NFATC1: variants seen among roughly 807,000 people sequenced by gnomAD.
NFATC1 encodes the protein nuclear factor of activated T-cells, cytoplasmic 1.
NFATC1 carries 22 observed loss-of-function variants against 76.0 expected under a neutral mutation model. That is an observed-to-expected ratio of 0.29 (90% CI 0.21 to 0.41). NFATC1 has a LOEUF of 0.41. Ranked by LOEUF, NFATC1 falls within the 10% of genes least tolerant of loss-of-function variation. The pLI, the probability that NFATC1 is intolerant of heterozygous loss-of-function variation, is 1.00. For missense variants in NFATC1, 1,357 were observed against 1,337.7 expected, an observed-to-expected ratio of 1.01 and a Z score of -0.23; for synonymous variants, 704 against 613.1, an observed-to-expected ratio of 1.15 and a Z score of -2.19.
At position 79,524,558 on chromosome 18, in the gene NFATC1, G is replaced by C. The variant is rs528915525; in HGVS notation, c.2783-2970G>C. Among the ~76,000 whole-genome samples the C allele has an allele frequency of 5.9e-5, 9 of 152,314 alleles. No homozygotes were observed. In the South Asian group the frequency reaches 1.9e-3, roughly 32 times the overall value. ...GTGGAACACACTTGACCCGGCGCTG[G>C]GACGGGGTCGGCCCACACGCACCGC... On this transcript the variant is annotated intron_variant, in intron 9 of 9. Transcript: ENST00000427363. This position sits in a 1 kb window ranked among gnomAD's most constrained non-coding sequence, Gnocchi z 7.2.
rs2085046694 is a variant in NFATC1 at position 79,397,481 on chromosome 18, G to T, written c.127+1130G>T. On this transcript the variant is annotated intron_variant, in intron 1 of 9. Transcript: ENST00000427363. Reference sequence around the variant, plus strand: ...TTAGCAGAGCTGAGCACAGGGCCGTGAGCTCCACGGAGGGGGGTCCGTGTG... The same window carrying T: ...TTAGCAGAGCTGAGCACAGGGCCGTTAGCTCCACGGAGGGGGGTCCGTGTG... 2.6e-5 allele frequency among the ~76,000 whole-genome samples: 4 copies of T among 152,334 alleles called. No individual in the cohort carries two copies. The South Asian group carries it at 8.3e-4, about 32-fold the overall frequency.
At position 79,404,609 on chromosome 18, in the gene NFATC1, G is replaced by A. The variant is rs368257619; in HGVS notation, c.128-5794G>A. ...GACCTGTGGTTCAGCCCCAGCAAGTGCTGAAGGGAATGTTCCTTAAAATGA... is the reference window on the plus strand; with the variant it reads ...GACCTGTGGTTCAGCCCCAGCAAGTACTGAAGGGAATGTTCCTTAAAATGA... On this transcript the variant is annotated intron_variant, in intron 1 of 9. Transcript: ENST00000427363. Among the ~76,000 whole-genome samples the A allele has an allele frequency of 1.5e-4, 23 of 152,366 alleles. No homozygotes were observed. In the South Asian group the frequency reaches 2.7e-3, roughly 18 times the overall value.
chr18:79,472,149 C>T lies in NFATC1; in HGVS notation c.2092+4567C>T, dbSNP rs112555287. ...GGAGAGAGCTGCTTAGGGTGTGAGC[C>T]GTGGGGGGGCGGGGGGCGGCTGTGA... On this transcript the variant is annotated intron_variant, in intron 8 of 9. Transcript: ENST00000427363. 5.1e-3 allele frequency among the ~76,000 whole-genome samples: 768 copies of T among 151,532 alleles called. 11 individuals are homozygous for T. The highest frequency in any genetic ancestry group is 0.016 in the African/African-American group (640 of 41,254).
chr18:79,433,785 C>G, intron 3 of NFATC1, 47 bp downstream of exon 3: 1 of 1,577,738 alleles, frequency 6.3e-7, no homozygotes, highest in African/African-American at 1.4e-5. Flanking sequence ...CTTTTGTGGT[C>G]AAAAAGTAAC....
intron 9 of NFATC1, chr18:79,498,309 A>C (rs2089941522): frequency 6.6e-6 from 1 of 152,096 alleles, no homozygotes; most frequent in South Asian, 2.1e-4. Context: ...GAGTGTGGCA[A>C]ATATATCTTA....
In NFATC1 at chr18:79,405,219, C is replaced by T. The variant is rs570179955; in HGVS notation, c.128-5184C>T. Among the ~76,000 whole-genome samples, 28 of 152,310 alleles carry T rather than the reference C, an allele frequency of 1.8e-4. 1 individual carries two copies. The South Asian group carries it at 3.3e-3, about 18-fold the overall frequency. On this transcript the variant is annotated intron_variant, in intron 1 of 9. Coordinates refer to ENST00000427363, the MANE Select transcript of NFATC1 (RefSeq NM_001278669.2). ...GCAGAGGGGCCATGCCATGACCTTCCGTTAAGGGATTTTGAATGTGCTCTC... is the reference window on the plus strand; with the variant it reads ...GCAGAGGGGCCATGCCATGACCTTCTGTTAAGGGATTTTGAATGTGCTCTC...
At chr18:79,400,390 C>A (rs1242839934) in intron 1 of NFATC1, 2 of 1,339,950 alleles carry the variant, frequency 1.5e-6, no homozygotes, top group Non-Finnish European at 2.0e-6. Flanking sequence ...GCCCGACCCG[C>A]CATGACGGGG....
intron 6 of NFATC1, among the ~76,000 whole-genome samples, chr18:79,455,570 C>T (rs537889852): frequency 2.0e-5 from 3 of 152,270 alleles, no homozygotes; most frequent in South Asian, 2.1e-4. Flanking sequence ...TGCCCTGGTT[C>T]GCAGGGAGAC....
chr18:79,466,457 C>T (rs187159801), intron 7 of NFATC1, among the ~76,000 whole-genome samples: 51 of 152,322 alleles, frequency 3.3e-4, no homozygotes, highest in East Asian at 1.4e-3. Context: ...GCCCGAGTAA[C>T]GCTGGGGCCT....
chr18:79,500,875 C>T (rs1008635659), intron 9 of NFATC1, among the ~76,000 whole-genome samples: 3 of 152,032 alleles, frequency 2.0e-5, no homozygotes, highest in African/African-American at 7.2e-5. Context: ...CAAAGAAAAG[C>T]CCAGACCCAG....
At chr18:79,396,438 C>A in intron 1 of NFATC1, 87 bp downstream of exon 1, 2 of 900,878 alleles carry the variant, frequency 2.2e-6, no homozygotes, top group Non-Finnish European at 2.8e-6. Context: ...GTCGCCCGCA[C>A]GGAGGGGTCC....
intron 9 of NFATC1, among the ~76,000 whole-genome samples, chr18:79,510,620 G>A (rs1003155592): frequency 5.3e-5 from 8 of 152,232 alleles, no homozygotes; most frequent in Non-Finnish European, 2.9e-5. Context: ...GCAGTGTCAT[G>A]AGGTTTGAAA....
Position 79,396,320 on chromosome 18 carries a change from C to T in NFATC1, c.96C>T (p.Arg32=). The change falls in exon 1 of 10, where the codon CGC becomes CGT. Residue 32 remains arginine, a synonymous_variant. Transcript: ENST00000427363. Reference sequence around the variant, plus strand: ...GAGAAACTTTGGGGCCCGCGCCGCGCGCCGGCGGCACCATGAAGTCAGCGG... The same window carrying T: ...GAGAAACTTTGGGGCCCGCGCCGCGTGCCGGCGGCACCATGAAGTCAGCGG... ...GRGETLGPAP[R]AGGTMKSAEE... is the part of the protein sequence containing the mutation. The T allele has an allele frequency of 7.1e-7, 1 of 1,415,382 alleles. No homozygotes were observed. Among genetic ancestry groups the T allele is most frequent in the Non-Finnish European group, 9.4e-7 (1 of 1,069,482 alleles). 87.7% of individuals were successfully genotyped at this position (1,415,382 alleles called of 1,614,324 possible).
intron 6 of NFATC1, among the ~76,000 whole-genome samples, chr18:79,460,490 G>A (rs895959425): frequency 1.3e-5 from 2 of 152,206 alleles, no homozygotes; most frequent in African/African-American, 2.4e-5. Flanking sequence ...GTCCGTGTGC[G>A]CCTGGAGCCC....
intron 3 of NFATC1, among the ~76,000 whole-genome samples, chr18:79,442,114 T>A (rs1470092319): frequency 6.6e-6 from 1 of 152,132 alleles, no homozygotes; most frequent in Non-Finnish European, 1.5e-5. Context: ...GGTCCCTGCA[T>A]GGCACAGGTT....
intron 9 of NFATC1, among the ~76,000 whole-genome samples, chr18:79,519,074 C>T (rs2090452120): frequency 6.6e-6 from 1 of 152,220 alleles, no homozygotes; most frequent in Admixed American, 6.5e-5. Context: ...TTTTGCTAAA[C>T]CTTGTTCTAC....
intron 1 of NFATC1, among the ~76,000 whole-genome samples, chr18:79,398,854 G>A (rs2085088652): frequency 6.6e-6 from 1 of 152,236 alleles, no homozygotes; most frequent in Non-Finnish European, 1.5e-5. Flanking sequence ...GGATCACGAG[G>A]TCAAGAGATC....
At chr18:79,439,390 G>A (rs2086893445) in intron 3 of NFATC1, among the ~76,000 whole-genome samples, 2 of 151,994 alleles carry the variant, frequency 1.3e-5, no homozygotes, top group South Asian at 2.1e-4. Context: ...GGAGGACGCC[G>A]TGGGGTGGAA....
At chr18:79,420,121 A>G (rs1163829136) in intron 2 of NFATC1, among the ~76,000 whole-genome samples, 2 of 152,148 alleles carry the variant, frequency 1.3e-5, no homozygotes, top group East Asian at 1.9e-4. Context: ...GCGTTCCATC[A>G]GCACTGGGCT....
Sources: allele counts gnomAD v4.1 joint callset (sites outside exome capture counted in the v4.1 genomes callset), GRCh38; gene constraint gnomAD v4.1.1; non-coding constraint Gnocchi (gnomAD v3.1); transcripts MANE v1.5; gene names NCBI Gene and HGNC (gene_info 2026-07-23, HGNC 2026-07-21).